CROCC2: variants seen among roughly 807,000 people sequenced by gnomAD.
CROCC2 encodes ciliary rootlet coiled-coil, rootletin family member 2.
CROCC2 carries 163 observed loss-of-function variants against 177.6 expected under a neutral mutation model. That is an observed-to-expected ratio of 0.92 (90% CI 0.81 to 1.05). CROCC2 has a LOEUF of 1.05. Among genes scored for constraint, CROCC2 ranks in the 50% least tolerant of loss-of-function variants. CROCC2 has a pLI of 0.00. For synonymous variants in CROCC2, 904 were observed against 787.3 expected (o/e 1.15, Z -2.48); for missense variants, 1,929 against 1,797.8 (o/e 1.07, Z -1.32).
intron 22 of CROCC2, 91 bp downstream of exon 22, chr2:240,964,716 T>C (rs1574783942): frequency 7.0e-7 from 1 of 1,419,088 alleles, no homozygotes; most frequent in Non-Finnish European, 9.4e-7. Flanking sequence ...AGCCCTGGCC[T>C]TGCTGCCGCC....
In CROCC2 at chr2:240,949,253, C is replaced by T; in HGVS notation, c.2482+156C>T. ...AGCTCATGCGACTGAGCGACTTGGG[C>T]CACCCTCGCCCATGAGGAGCAGCAA... On this transcript the variant is annotated intron_variant, in intron 16 of 31. Coordinates refer to ENST00000690015, the MANE Select transcript of CROCC2 (RefSeq NM_001351305.2). This position sits in a 1 kb window ranked among gnomAD's most constrained non-coding sequence, Gnocchi z 4.5. 7 of 937,786 alleles carry T rather than the reference C, an allele frequency of 7.5e-6. No homozygotes were observed. The highest frequency in any genetic ancestry group is 8.9e-6 in the Non-Finnish European group (7 of 786,472). The allele number at this position is 937,786 out of a possible 1,614,324, so 58.1% of individuals were successfully genotyped here.
rs2106481230 is a variant in CROCC2, at chr2:240,967,327, C to T, written c.4147-18C>T. 2 of 682,206 alleles carry T rather than the reference C, an allele frequency of 2.9e-6. No individual in the cohort carries two copies. Among genetic ancestry groups the T allele is most frequent in the South Asian group, 3.2e-5 (2 of 63,208 alleles). The allele number at this position is 682,206 out of a possible 1,614,324, so 42.3% of individuals were successfully genotyped here. On this transcript the variant is annotated intron_variant, in intron 25 of 31. Coordinates refer to ENST00000690015, the MANE Select transcript of CROCC2 (RefSeq NM_001351305.2). Reference sequence around the variant, plus strand: ...CGCCCATTGGACTGCCCCCGCTGACCTCAGTCCTTCTGCCCAGGATGACTC... The same window carrying T: ...CGCCCATTGGACTGCCCCCGCTGACTTCAGTCCTTCTGCCCAGGATGACTC...
At chr2:240,989,434 G>A (rs1331889743) in intron 29 of CROCC2, among the ~76,000 whole-genome samples, 2 of 152,180 alleles carry the variant, frequency 1.3e-5, no homozygotes, top group African/African-American at 4.8e-5. Flanking sequence ...CCTGGAGGCT[G>A]TGGCTTAGTC....
intron 5 of CROCC2, among the ~76,000 whole-genome samples, chr2:240,928,870 G>A (rs1432105103): frequency 1.9e-5 from 1 of 52,716 alleles, no homozygotes; most frequent in Non-Finnish European, 5.1e-5. Context: ...CCCTCTGGAG[G>A]GTGTATGGCC....
chr2:240,992,133 C>T (rs561387246), intron 31 of CROCC2, among the ~76,000 whole-genome samples: 4 of 152,370 alleles, frequency 2.6e-5, no homozygotes, highest in East Asian at 3.9e-4. Flanking sequence ...GGGCCTGTGG[C>T]GTGGGCCACC....
At chr2:240,907,700 G>T (rs1050287789) in intron 1 of CROCC2, among the ~76,000 whole-genome samples, 1 of 149,180 alleles carries the variant, frequency 6.7e-6, no homozygotes, top group African/African-American at 2.5e-5. Context: ...CGTGGGGTGA[G>T]CTCTACCTCC....
At chr2:240,912,183 A>G (rs1006747634) in intron 1 of CROCC2, among the ~76,000 whole-genome samples, 1 of 152,074 alleles carries the variant, frequency 6.6e-6, no homozygotes, top group African/African-American at 2.4e-5. Context: ...TACCACTTTT[A>G]ACACCAAATG....
chr2:240,952,447 C>T (rs1271866246), intron 18 of CROCC2, among the ~76,000 whole-genome samples: 1 of 152,154 alleles, frequency 6.6e-6, no homozygotes, highest in Non-Finnish European at 1.5e-5. Context: ...TCTAATTATC[C>T]CTATATTACT....
chr2:240,906,774 C>A (rs1425906583), intron 1 of CROCC2, among the ~76,000 whole-genome samples, 183 bp downstream of exon 1: 1 of 152,232 alleles, frequency 6.6e-6, no homozygotes, highest in Non-Finnish European at 1.5e-5. Flanking sequence ...GGCGCGCCTG[C>A]ATGCACACAC....
intron 1 of CROCC2, among the ~76,000 whole-genome samples, chr2:240,913,457 A>G (rs2059300590): frequency 1.3e-5 from 2 of 152,176 alleles, no homozygotes. Flanking sequence ...TTCGGACCTG[A>G]GGCAGTTCCA....
Position 240,950,244 on chromosome 2 carries a change from C to A in CROCC2, c.2653-90C>A, listed in dbSNP as rs894372765. The A allele has an allele frequency of 1.0e-5, 14 of 1,335,944 alleles. No individual in the cohort carries two copies. In the African/African-American group the frequency reaches 1.9e-4, roughly 18 times the overall value. 82.8% of individuals were successfully genotyped at this position (1,335,944 alleles called of 1,614,324 possible). Reference sequence around the variant, plus strand: ...AGCCCCTGGGGTCCATCAGCCCTGGCATCCCACGGGCCAGGTCTCACTCAG... The same window carrying A: ...AGCCCCTGGGGTCCATCAGCCCTGGAATCCCACGGGCCAGGTCTCACTCAG... On this transcript the variant is annotated intron_variant, in intron 17 of 31. Coordinates refer to ENST00000690015, the MANE Select transcript of CROCC2 (RefSeq NM_001351305.2).
In CROCC2 at chr2:240,965,716, T is replaced by C; in HGVS notation, c.3684T>C (p.Arg1228=). Residue 1228 remains arginine, a synonymous_variant, in exon 24 of 32, where the codon CGT becomes CGC. Coordinates refer to ENST00000690015, the MANE Select transcript of CROCC2 (RefSeq NM_001351305.2). ...GACAGCGGCTCCAGGAGCACCTCCG[T>C]GAGAGCCGGGGGGCTGAGCAGACCC... ...AHGQRLQEHL[R]ESRGAEQTLR... 1 of 1,547,658 alleles carries C rather than the reference T, an allele frequency of 6.5e-7. No homozygotes were observed.
chr2:240,959,458 C>T lies in CROCC2; in HGVS notation c.3087+14C>T. 6.5e-7 allele frequency: 1 copy of T among 1,548,714 alleles called. No individual in the cohort carries two copies. The highest frequency in any genetic ancestry group is 8.7e-7 in the Non-Finnish European group (1 of 1,145,978). The stretch of plus-strand genomic sequence containing the variant: ...GTGGAGAGAGAGGTGAGAGGCAGGG[C>T]TGGGGGGCTCCTGGGGATGCCAGAG... On this transcript the variant is annotated intron_variant, in intron 20 of 31. Coordinates refer to ENST00000690015, the MANE Select transcript of CROCC2 (RefSeq NM_001351305.2).
At chr2:240,928,121 T>A (rs2059405310) in intron 5 of CROCC2, among the ~76,000 whole-genome samples, 1 of 152,264 alleles carries the variant, frequency 6.6e-6, no homozygotes, top group South Asian at 2.1e-4. Context: ...TTGGTGATTT[T>A]TTATTTTTTA....
chr2:240,922,493 C>A (rs775550891), intron 3 of CROCC2, 46 bp from the exon 4 acceptor site: 5 of 660,496 alleles, frequency 7.6e-6, no homozygotes, highest in Non-Finnish European at 1.4e-5. Context: ...CCCTGCCTGG[C>A]GGGTTCAGGA....
At position 240,973,962 on chromosome 2, in the gene CROCC2, A is replaced by G. The variant is rs2059741227; in HGVS notation, c.4401+5700A>G. ...AGAATACACTTTAATTCCCTTTCCA[A>G]TCTCTTTTCTGTCAAGGGTCTGCTT... On this transcript the variant is annotated intron_variant, in intron 27 of 31. Coordinates refer to ENST00000690015, the MANE Select transcript of CROCC2 (RefSeq NM_001351305.2). The surrounding 1 kb of genome is among the most constrained non-coding windows in gnomAD (Gnocchi z 4.7). Among the ~76,000 whole-genome samples the G allele has an allele frequency of 6.6e-6, 1 of 151,880 alleles. No individual in the cohort carries two copies. The highest frequency in any genetic ancestry group is 1.5e-5 in the Non-Finnish European group (1 of 67,966).
rs924968582 is a variant in CROCC2 at position 240,920,400 on chromosome 2, G to T, written c.381+266G>T. On this transcript the variant is annotated intron_variant, in intron 3 of 31. Transcript: ENST00000690015. ...ATGCCCAGCGTGTCCCCTAGGTCTC[G>T]CAACCTAGCTTAGGCACTGACTTGT... is the stretch of plus-strand genomic sequence containing the variant. 4.6e-5 allele frequency among the ~76,000 whole-genome samples: 7 copies of T among 152,174 alleles called. No homozygotes were observed. The East Asian group carries it at 9.6e-4, about 21-fold the overall frequency.
intron 1 of CROCC2, among the ~76,000 whole-genome samples, chr2:240,915,335 G>A (rs1018475163): frequency 1.3e-5 from 2 of 152,254 alleles, no homozygotes; most frequent in African/African-American, 4.8e-5. Flanking sequence ...AGTGTGGGAG[G>A]TCATTTGCCT....
rs1417772610 is a variant in CROCC2 at position 240,932,725 on chromosome 2, C to G, written c.1068C>G (p.Cys356Trp). 1.2e-6 allele frequency: 1 copy of G among 864,994 alleles called. No individual in the cohort carries two copies. The highest frequency in any genetic ancestry group is 1.9e-6 in the Non-Finnish European group (1 of 520,452). The allele number at this position is 864,994 out of a possible 1,614,324, so 53.6% of individuals were successfully genotyped here. A position where few individuals can be genotyped will look rare whatever the true frequency, so the allele number is the denominator to read the frequency against. ...AGGTGGCCCAGGAGGACGCCCGGTG[C>G]CTGGAGCTGGCAGGTAGCAGCATCA... ...QNLVAQEDARCLELAGSSITE... is the reference protein window; with the variant it reads ...QNLVAQEDARWLELAGSSITE... Residue 356 changes from cysteine (C) to tryptophan (W), a missense_variant, in exon 9 of 32, where the codon TGC becomes TGG. Physicochemically the swap from Cys to Trp is radical, Grantham distance 215 (BLOSUM62 -2). Transcript: ENST00000690015.
Sources: gnomAD v4.1 joint callset for allele counts (sites outside exome capture counted in the v4.1 genomes callset) on GRCh38, gnomAD v4.1.1 for gene constraint, Gnocchi (gnomAD v3.1) non-coding constraint, MANE v1.5 for transcripts, NCBI Gene and HGNC (gene_info 2026-07-23, HGNC 2026-07-21) for gene names.